XKR6: variants seen among roughly 807,000 people sequenced by gnomAD.
XKR6 encodes the protein XK-related protein 6.
XKR6 carries 22 observed loss-of-function variants against 56.7 expected under a neutral mutation model. The ratio of observed to expected loss-of-function variants is 0.39; its 90% confidence interval spans 0.28 to 0.55. The LOEUF is 0.55. Among genes scored for constraint, XKR6 ranks in the 20% least tolerant of loss-of-function variants. The pLI is 0.66. For synonymous variants in XKR6, 524 were observed against 387.8 expected (o/e 1.35, Z -4.13); for missense variants, 852 against 889.0 (o/e 0.96, Z 0.53).
intron 1 of XKR6, among the ~76,000 whole-genome samples, chr8:11,011,374 C>G (rs548578624): frequency 6.6e-6 from 1 of 152,236 alleles, no homozygotes; most frequent in African/African-American, 2.4e-5. Context: ...AGTGGATAGG[C>G]TGTCACCAGA....
chr8:10,948,051 C>T (rs572459720), intron 1 of XKR6, among the ~76,000 whole-genome samples: 1 of 152,112 alleles, frequency 6.6e-6, no homozygotes, highest in Non-Finnish European at 1.5e-5. Context: ...GAACAGCCAC[C>T]TTTCCCTCAG....
At chr8:10,912,706 T>TAC (rs36194302) in intron 2 of XKR6, among the ~76,000 whole-genome samples, 15 of 140,772 alleles carry the variant, frequency 1.1e-4, no homozygotes, top group Middle Eastern at 4.1e-3. Context: ...TATATATATA[T>TAC]ACACACATAG....
At chr8:11,076,086 C>T (rs1032757578) in intron 1 of XKR6, among the ~76,000 whole-genome samples, 1 of 152,084 alleles carries the variant, frequency 6.6e-6, no homozygotes, top group Non-Finnish European at 1.5e-5. Context: ...GGGCGAACCT[C>T]GATGATAGTA....
chr8:10,949,665 T>G (rs1273060534), intron 1 of XKR6, among the ~76,000 whole-genome samples: 1 of 152,164 alleles, frequency 6.6e-6, no homozygotes, highest in African/African-American at 2.4e-5. Flanking sequence ...CATTTTATAA[T>G]GGGAAAACAG....
At chr8:11,185,127 G>A (rs1312125695) in intron 1 of XKR6, among the ~76,000 whole-genome samples, 1 of 152,128 alleles carries the variant, frequency 6.6e-6, no homozygotes. Flanking sequence ...GTGTGAGTGT[G>A]CCCTGTGATG....
intron 1 of XKR6, among the ~76,000 whole-genome samples, chr8:11,187,990 A>G (rs1238975792): frequency 6.6e-6 from 1 of 152,230 alleles, no homozygotes; most frequent in African/African-American, 2.4e-5. Context: ...TTCCACTTAC[A>G]AAGTTACATA....
intron 2 of XKR6, among the ~76,000 whole-genome samples, chr8:10,913,965 T>A (rs964833745): frequency 1.3e-5 from 2 of 152,078 alleles, no homozygotes; most frequent in South Asian, 4.1e-4. Context: ...CAGCCTGGGG[T>A]GCAAGAGGCT....
chr8:10,981,900 C>T, intron 1 of XKR6, among the ~76,000 whole-genome samples: 1 of 152,180 alleles, frequency 6.6e-6, no homozygotes, highest in Admixed American at 6.5e-5. Flanking sequence ...TGCTTTCATT[C>T]CAAAGGCTAA....
chr8:11,179,524 C>T (rs1275872084), intron 1 of XKR6, among the ~76,000 whole-genome samples: 1 of 152,270 alleles, frequency 6.6e-6, no homozygotes, highest in Non-Finnish European at 1.5e-5. Context: ...TCCACAAGTA[C>T]GTTTCTTTAT....
Position 11,171,057 on chromosome 8 carries a change from G to A in XKR6, c.764+29519C>T, listed in dbSNP as rs551297902. Among the ~76,000 whole-genome samples the A allele has an allele frequency of 4.6e-5, 7 of 152,278 alleles. No homozygotes were observed. The East Asian group carries it at 1.3e-3, about 29-fold the overall frequency. ...AATCATGAAAAAGAACTGAGAAAATGTTTCACCATCTTTATATACTTTGTT... is the reference window on the plus strand; with the variant it reads ...AATCATGAAAAAGAACTGAGAAAATATTTCACCATCTTTATATACTTTGTT... On this transcript the variant is annotated intron_variant, in intron 1 of 2. Transcript: ENST00000416569.
At chr8:10,954,866 C>CTCTTT (rs1563309729) in intron 1 of XKR6, among the ~76,000 whole-genome samples, 6 of 92,792 alleles carry the variant, frequency 6.5e-5, no homozygotes, top group Non-Finnish European at 1.1e-4. Context: ...ACTTCATTCT[C>CTCTTT]TTTTTTTTTT....
At chr8:11,184,778 C>G (rs991785583) in intron 1 of XKR6, among the ~76,000 whole-genome samples, 1 of 152,016 alleles carries the variant, frequency 6.6e-6, no homozygotes, top group Admixed American at 6.6e-5. Flanking sequence ...GCAATCAACC[C>G]GCCTCAGCCT....
At chr8:11,014,436 G>A (rs376943787) in intron 1 of XKR6, among the ~76,000 whole-genome samples, 1 of 152,124 alleles carries the variant, frequency 6.6e-6, no homozygotes, top group East Asian at 1.9e-4. Flanking sequence ...AACCCCCTGC[G>A]GGCTCCCCAA....
Position 10,924,644 on chromosome 8 carries a change from C to A in XKR6, c.951G>T (p.Glu317Asp). Reference protein sequence around the residue: ...LYIMLQKNSAETLPCVSSVTS... With the variant: ...LYIMLQKNSADTLPCVSSVTS... ...CCGGCGGGCACTCACAGGGCAGGGT[C>A]TCGGCGCTGTTCTTCTGGAGCATGA... The change falls in exon 2 of 3, where the codon GAG becomes GAT. Residue 317 changes from glutamate (E) to aspartate (D), a missense_variant. Around this residue, in one of 4 missense-constraint regions of XKR6, gnomAD observed 199 missense variants for 280.4 expected, o/e 0.71. Transcript: ENST00000416569. 1 of 1,605,158 alleles carries A rather than the reference C, an allele frequency of 6.2e-7. No individual in the cohort carries two copies. The highest frequency in any genetic ancestry group is 8.5e-7 in the Non-Finnish European group (1 of 1,174,242).
chr8:11,157,803 C>A (rs1280623147), intron 1 of XKR6, among the ~76,000 whole-genome samples: 1 of 152,184 alleles, frequency 6.6e-6, no homozygotes, highest in African/African-American at 2.4e-5. Context: ...GCGTGAGCCA[C>A]CATGCCTGGC....
At chr8:11,097,697 C>A (rs1439832250) in intron 1 of XKR6, among the ~76,000 whole-genome samples, 1 of 149,456 alleles carries the variant, frequency 6.7e-6, no homozygotes, top group African/African-American at 2.5e-5. Context: ...GTCCCAGCTA[C>A]TTGGGAGGCT....
At chr8:11,061,969 G>A (rs1799846974) in intron 1 of XKR6, among the ~76,000 whole-genome samples, 1 of 152,198 alleles carries the variant, frequency 6.6e-6, no homozygotes, top group Non-Finnish European at 1.5e-5. Flanking sequence ...TCCCTCCAAA[G>A]AGAAGGCAAG....
At chr8:10,904,256 G>A (rs1312825491) in intron 2 of XKR6, among the ~76,000 whole-genome samples, 1 of 152,208 alleles carries the variant, frequency 6.6e-6, no homozygotes, top group Non-Finnish European at 1.5e-5. Flanking sequence ...CACTGGCTGG[G>A]AAGTCTCTGG....
At chr8:11,034,370 T>A (rs1290346136) in intron 1 of XKR6, among the ~76,000 whole-genome samples, 1 of 152,022 alleles carries the variant, frequency 6.6e-6, no homozygotes, top group South Asian at 2.1e-4. Flanking sequence ...CGAGAGAGCA[T>A]CATGGGTAAA....
Sources: gnomAD v4.1 joint callset for allele counts (sites outside exome capture counted in the v4.1 genomes callset) on GRCh38, gnomAD v4.1.1 for gene constraint, gnomAD v4.1.1 regional missense constraint, MANE v1.5 for transcripts, NCBI Gene and HGNC (gene_info 2026-07-23, HGNC 2026-07-21) for gene names.